Variants in ANKRD16 observed in about 807,000 individuals in gnomAD.
The protein encoded by ANKRD16 is ankyrin repeat domain 16, also known as ankyrin repeat domain-containing protein 16.
Under a neutral mutation model 37.9 loss-of-function variants are expected in ANKRD16, and 35 were observed. The observed-to-expected ratio is 0.92, with a 90% CI of 0.71 to 1.23. The LOEUF (loss-of-function observed/expected upper bound fraction) is 1.23, where lower values mean the gene tolerates loss of function less well. Among genes scored for constraint, ANKRD16 ranks in the 50% most tolerant of loss-of-function variants. The pLI is 0.00. For synonymous variants in ANKRD16, 206 were observed against 197.2 expected (o/e 1.04, Z -0.37); for missense variants, 480 against 469.9 (o/e 1.02, Z -0.20).
intron 2 of ANKRD16, among the ~76,000 whole-genome samples, chr10:5,887,531 C>T (rs954836713): frequency 6.6e-6 from 1 of 152,112 alleles, no homozygotes; most frequent in Admixed American, 6.5e-5. Context: ...TACAAGCAGC[C>T]GCCACCACGC....
At chr10:5,888,098 G>C (rs1425850994) in intron 1 of ANKRD16, 31 bp from the exon 2 acceptor site, 1 of 1,594,528 alleles carries the variant, frequency 6.3e-7, no homozygotes, top group Admixed American at 1.7e-5. Flanking sequence ...CTGTCAGATG[G>C]AGGCAGCTGA....
intron 7 of ANKRD16, among the ~76,000 whole-genome samples, chr10:5,872,770 A>G (rs916504035): frequency 2.6e-5 from 4 of 151,788 alleles, no homozygotes; most frequent in East Asian, 2.0e-4. Flanking sequence ...GTTAGCCAAG[A>G]TGGTCTTAAT....
In ANKRD16 at chr10:5,868,594, G is replaced by T. The variant is rs7079755; in HGVS notation, c.*34-5903C>A. Among the ~76,000 whole-genome samples, 1 of 152,174 alleles carries T rather than the reference G, an allele frequency of 6.6e-6. No individual in the cohort carries two copies. Among genetic ancestry groups the T allele is most frequent in the African/African-American group, 2.4e-5 (1 of 41,424 alleles). On this transcript the variant is annotated intron_variant, in intron 7 of 7. Coordinates refer to ENST00000380094, the MANE Select transcript of ANKRD16 (RefSeq NM_019046.3). The surrounding 1 kb of genome is among the most constrained non-coding windows in gnomAD (Gnocchi z 4.9). ...TGTAAAATGGACCAATCAGCAGGAT[G>T]TGGGTGGGGACAAGTAAGGGAATAA...
rs754270105 is a variant in ANKRD16 at position 5,889,071 on chromosome 10, GC to G, written c.283del (p.Ala95GlnfsTer6). 3.2e-6 allele frequency: 5 copies of G among 1,559,018 alleles called. No homozygotes were observed. Among genetic ancestry groups the G allele is most frequent in the East Asian group, 4.6e-5 (2 of 43,394 alleles). On this transcript the variant is annotated frameshift_variant, in exon 1 of 8. Transcript: ENST00000380094. LOFTEE classifies it high-confidence loss of function. ...DCVRYLLGRG[A>X]AVDCLKKADW... The stretch of plus-strand genomic sequence containing the variant: ...GGCCTTCTTCAGGCAGTCGACCGCT[GC>G]CCCCCGGCCCAGCAGGTAGCGCACG...
At chr10:5,875,296 A>G (rs1842166458) in intron 7 of ANKRD16, among the ~76,000 whole-genome samples, 1 of 152,236 alleles carries the variant, frequency 6.6e-6, no homozygotes, top group Non-Finnish European at 1.5e-5. Context: ...TAAGTGCTCA[A>G]TGCACATAAA....
At position 5,889,062 on chromosome 10, in the gene ANKRD16, T is replaced by C; in HGVS notation, c.293A>G (p.Asp98Gly). 2 of 1,553,900 alleles carry C rather than the reference T, an allele frequency of 1.3e-6. No individual in the cohort carries two copies. The highest frequency in any genetic ancestry group is 1.7e-6 in the Non-Finnish European group (2 of 1,156,718). ...RYLLGRGAAV[D>G]CLKKADWTPL... ...CTACCAGTCGGCCTTCTTCAGGCAGTCGACCGCTGCCCCCCGGCCCAGCAG... is the reference window on the plus strand; with the variant it reads ...CTACCAGTCGGCCTTCTTCAGGCAGCCGACCGCTGCCCCCCGGCCCAGCAG... Residue 98 changes from aspartate to glycine, a missense_variant, in exon 1 of 8, where the codon GAC becomes GGC. By Grantham distance (94) the Asp-to-Gly change is moderately conservative. Coordinates refer to ENST00000380094, the MANE Select transcript of ANKRD16 (RefSeq NM_019046.3).
chr10:5,863,827 G>A lies in ANKRD16; in HGVS notation c.*34-1136C>T, dbSNP rs970738258. On this transcript the variant is annotated intron_variant, in intron 7 of 7. Coordinates refer to ENST00000380094, the MANE Select transcript of ANKRD16 (RefSeq NM_019046.3). The surrounding 1 kb of genome is among the most constrained non-coding windows in gnomAD (Gnocchi z 4.7). ...TCTTTAAGACTGTAACACTCACTGC[G>A]AGGTCCACGGCTTCATTGTTGAAGT... 3.9e-5 allele frequency among the ~76,000 whole-genome samples: 6 copies of A among 152,098 alleles called. No homozygotes were observed. Among genetic ancestry groups the A allele is most frequent in the South Asian group, 2.1e-4 (1 of 4,822 alleles).
rs1047937714 is a variant in ANKRD16, at chr10:5,865,847, C to G, written c.*34-3156G>C. 6.6e-6 allele frequency among the ~76,000 whole-genome samples: 1 copy of G among 152,148 alleles called. No homozygotes were observed. Among genetic ancestry groups the G allele is most frequent in the African/African-American group, 2.4e-5 (1 of 41,436 alleles). ...TGGAAGGAACAAACTCAAGCTCCAG[C>G]CTTAAGCCTTCCCACAGGACAAAAC... On this transcript the variant is annotated intron_variant, in intron 7 of 7. Coordinates refer to ENST00000380094, the MANE Select transcript of ANKRD16 (RefSeq NM_019046.3). This position sits in a 1 kb window ranked among gnomAD's most constrained non-coding sequence, Gnocchi z 4.7.
rs1255820880 is a variant in ANKRD16 at position 5,868,185 on chromosome 10, A to G, written c.*34-5494T>C. Among the ~76,000 whole-genome samples, 4 of 152,180 alleles carry G rather than the reference A, an allele frequency of 2.6e-5. No homozygotes were observed. Among genetic ancestry groups the G allele is most frequent in the African/African-American group, 9.7e-5 (4 of 41,434 alleles). ...GTTTCCTCTAGGATCGAGGCCATCA[A>G]GCTACAGATGGTCTTACAAATGGAA... On this transcript the variant is annotated intron_variant, in intron 7 of 7. Transcript: ENST00000380094. The surrounding 1 kb of genome is among the most constrained non-coding windows in gnomAD (Gnocchi z 4.9).
At chr10:5,886,024 C>T (rs1473843754) in intron 2 of ANKRD16, among the ~76,000 whole-genome samples, 1 of 152,232 alleles carries the variant, frequency 6.6e-6, no homozygotes, top group Non-Finnish European at 1.5e-5. Context: ...GGGAAACTTT[C>T]AATCCTAAAG....
rs7096884 is a variant in ANKRD16, at chr10:5,885,780, A to C, written c.536-15T>G. ...GCCATGCATTGCTGGGAGGAGAAAG[A>C]AAGCTGAGAATTAGAGCTTTTTAGT... On this transcript the variant is annotated splice_polypyrimidine_tract_variant and intron_variant, in intron 2 of 7. Coordinates refer to ENST00000380094, the MANE Select transcript of ANKRD16 (RefSeq NM_019046.3). 0.013 allele frequency: 20,750 copies of C among 1,597,774 alleles called. 784 individuals are homozygous for C. In the African/African-American group the frequency reaches 0.14, roughly 10 times the overall value.
rs1842534152 is a variant in ANKRD16 at position 5,889,194 on chromosome 10, G to C, written c.161C>G (p.Ala54Gly). ...AARHGHRDVL[A>G]YLAEAWGMDI... ...CATGCCCCAGGCCTCGGCCAGATAG[G>C]CCAGCACGTCCCGATGCCCGTGGCG... is the stretch of plus-strand genomic sequence containing the variant. The change falls in exon 1 of 8, where the codon GCC becomes GGC. Residue 54 changes from alanine (A) to glycine (G), a missense_variant. Ala to Gly is a moderately conservative substitution (Grantham distance 60, BLOSUM62 0). Coordinates refer to ENST00000380094, the MANE Select transcript of ANKRD16 (RefSeq NM_019046.3). The C allele has an allele frequency of 6.3e-7, 1 of 1,596,894 alleles. No individual in the cohort carries two copies. Among genetic ancestry groups the C allele is most frequent in the Non-Finnish European group, 8.5e-7 (1 of 1,178,976 alleles).
At chr10:5,881,455 T>TATATATATATATATTTG in intron 5 of ANKRD16, among the ~76,000 whole-genome samples, 1 of 114,308 alleles carries the variant, frequency 8.7e-6, no homozygotes, top group Non-Finnish European at 1.8e-5. Context: ...TATATATATA[T>TATATATATATATATTTG]ATATATATAT....
rs1842218581 is a variant in ANKRD16 at position 5,878,326 on chromosome 10, T to A, written c.929-39A>T. On this transcript the variant is annotated intron_variant, in intron 6 of 7. Coordinates refer to ENST00000380094, the MANE Select transcript of ANKRD16 (RefSeq NM_019046.3). This position sits in a 1 kb window ranked among gnomAD's most constrained non-coding sequence, Gnocchi z 5.1. ...AAAATCACATGGACTTAAAACACAATCCCTGGAGCAATACTGACCTCATGA... is the reference window on the plus strand; with the variant it reads ...AAAATCACATGGACTTAAAACACAAACCCTGGAGCAATACTGACCTCATGA... 6.3e-7 allele frequency: 1 copy of A among 1,589,774 alleles called. No homozygotes were observed. The highest frequency in any genetic ancestry group is 1.3e-5 in the African/African-American group (1 of 74,338).
chr10:5,883,284 C>T, intron 4 of ANKRD16, 117 bp from the exon 5 acceptor site: 1 of 1,025,980 alleles, frequency 9.7e-7, no homozygotes, highest in Non-Finnish European at 1.4e-6. Context: ...ACTCTCTGGG[C>T]AGAGGATATG....
chr10:5,885,758 A>G lies in ANKRD16; in HGVS notation c.543T>C (p.His181=), dbSNP rs747659490. The part of the protein sequence containing the change: ...RRTPLHTAAM[H]GHLEAVKVLL... ...GCACCTTGACTGCCTCCAAATGGCC[A>G]TGCATTGCTGGGAGGAGAAAGAAAG... Residue 181 remains histidine, a synonymous_variant, in exon 3 of 8, where the codon CAT becomes CAC. Coordinates refer to ENST00000380094, the MANE Select transcript of ANKRD16 (RefSeq NM_019046.3). 1 of 1,604,480 alleles carries G rather than the reference A, an allele frequency of 6.2e-7. No individual in the cohort carries two copies. Among genetic ancestry groups the G allele is most frequent in the South Asian group, 1.1e-5 (1 of 88,312 alleles).
rs1458462936 is a variant in ANKRD16 at position 5,863,481 on chromosome 10, G to A, written c.*34-790C>T. Among the ~76,000 whole-genome samples, 1 of 152,046 alleles carries A rather than the reference G, an allele frequency of 6.6e-6. No homozygotes were observed. Among genetic ancestry groups the A allele is most frequent in the Non-Finnish European group, 1.5e-5 (1 of 68,028 alleles). On this transcript the variant is annotated intron_variant, in intron 7 of 7. Coordinates refer to ENST00000380094, the MANE Select transcript of ANKRD16 (RefSeq NM_019046.3). This position sits in a 1 kb window ranked among gnomAD's most constrained non-coding sequence, Gnocchi z 4.7. ...GCGCTCTGTGTCTAGCTAAAGGATT[G>A]TAAACATACCAATCAGCACGCTGTA...
rs769877770 is a variant in ANKRD16, at chr10:5,869,457, G to T, written c.*34-6766C>A. Among the ~76,000 whole-genome samples the T allele has an allele frequency of 6.6e-6, 1 of 152,092 alleles. No individual in the cohort carries two copies. On this transcript the variant is annotated intron_variant, in intron 7 of 7. Transcript: ENST00000380094. This position sits in a 1 kb window ranked among gnomAD's most constrained non-coding sequence, Gnocchi z 4.0. The stretch of plus-strand genomic sequence containing the variant: ...TGGGGGCCTGAGAAGCACTGCCCAG[G>T]CCTTTGCTCCCCTAATGGACTATTT...
At position 5,886,219 on chromosome 10, in the gene ANKRD16, C is replaced by G. The variant is rs149476346; in HGVS notation, c.536-454G>C. Among the ~76,000 whole-genome samples the G allele has an allele frequency of 1.2e-3, 190 of 152,308 alleles. 1 individual carries two copies. The highest frequency in any genetic ancestry group is 4.2e-3 in the African/African-American group (176 of 41,564). On this transcript the variant is annotated intron_variant, in intron 2 of 7. Transcript: ENST00000380094. ...GTGAATGATGGAGTGCTGATTGTTT[C>G]TCCAGGGGAGAAACTGGTCAAATAA...
Sources: gnomAD v4.1 joint callset for allele counts (sites outside exome capture counted in the v4.1 genomes callset) on GRCh38, gnomAD v4.1.1 for gene constraint, Gnocchi (gnomAD v3.1) non-coding constraint, MANE v1.5 for transcripts, NCBI Gene and HGNC (gene_info 2026-07-23, HGNC 2026-07-21) for gene names.